Variants in USP32 observed in about 807,000 individuals in gnomAD.
USP32 encodes ubiquitin carboxyl-terminal hydrolase 32.
USP32 carries 59 observed loss-of-function variants against 204.8 expected under a neutral mutation model. That is an observed-to-expected ratio of 0.29 (90% CI 0.23 to 0.36). The LOEUF (loss-of-function observed/expected upper bound fraction) is 0.36, where lower values mean the gene tolerates loss of function less well. Ranked by LOEUF, USP32 falls within the 10% of genes least tolerant of loss-of-function variation. The pLI, the probability that USP32 is intolerant of heterozygous loss-of-function variation, is 1.00. For synonymous variants in USP32, 517 were observed against 678.4 expected (o/e 0.76, Z 3.70); for missense variants, 1,160 against 1,946.4 (o/e 0.60, Z 7.60).
intron 33 of USP32, 33 bp from the exon 34 acceptor site, chr17:60,179,461 C>T (rs2084043908): frequency 6.2e-7 from 1 of 1,610,010 alleles, no homozygotes; most frequent in Non-Finnish European, 8.5e-7. Flanking sequence ...TAACAAAAAG[C>T]CATCACTACT....
intron 1 of USP32, among the ~76,000 whole-genome samples, chr17:60,347,007 C>T (rs780955785): frequency 6.6e-6 from 1 of 151,774 alleles, no homozygotes; most frequent in Non-Finnish European, 1.5e-5. Context: ...TGCAGGCAGA[C>T]GAGAAAAAAA....
At chr17:60,298,065 T>A (rs543852388) in intron 3 of USP32, among the ~76,000 whole-genome samples, 22 of 152,324 alleles carry the variant, frequency 1.4e-4, no homozygotes, top group Admixed American at 1.4e-3. Flanking sequence ...AGGGCCTAAC[T>A]GTAATGCATT....
intron 26 of USP32, among the ~76,000 whole-genome samples, chr17:60,200,730 C>T (rs1598053023): frequency 6.6e-6 from 1 of 152,182 alleles, no homozygotes; most frequent in Non-Finnish European, 1.5e-5. Context: ...CTAAATGTTA[C>T]AGTAATCACT....
intron 10 of USP32, 26 bp from the exon 11 acceptor site, chr17:60,252,468 G>A (rs2086193602): frequency 1.3e-6 from 2 of 1,568,226 alleles, no homozygotes; most frequent in Non-Finnish European, 1.7e-6. Context: ...GTAAATCAAA[G>A]TTTATTAACT....
At chr17:60,383,476 C>T (rs1476591374) in intron 1 of USP32, among the ~76,000 whole-genome samples, 3 of 152,162 alleles carry the variant, frequency 2.0e-5, no homozygotes, top group Non-Finnish European at 4.4e-5. Context: ...TATCCTGACA[C>T]TGGGGATTCA....
chr17:60,333,731 A>G (rs2088446594), intron 2 of USP32, among the ~76,000 whole-genome samples: 1 of 152,084 alleles, frequency 6.6e-6, no homozygotes, highest in Non-Finnish European at 1.5e-5. Context: ...AGGAGAGGGA[A>G]GTAAAAGGAA....
At chr17:60,252,241 T>G (rs2086187578) in intron 11 of USP32, 140 bp downstream of exon 11, 1 of 712,996 alleles carries the variant, frequency 1.4e-6, no homozygotes, top group African/African-American at 1.8e-5. Context: ...AGGAAGGTAC[T>G]TTAACAAAAA....
chr17:60,262,381 A>C lies in USP32; in HGVS notation c.990+3031T>G, dbSNP rs573179809. ...TAATTTTTGTATTTTTAGTAGAGAC[A>C]GGGTTTCGCCATGTTGGCCAGGCTG... On this transcript the variant is annotated intron_variant, in intron 9 of 33. Coordinates refer to ENST00000300896, the MANE Select transcript of USP32 (RefSeq NM_032582.4). Among the ~76,000 whole-genome samples the C allele has an allele frequency of 4.6e-5, 7 of 152,220 alleles. No homozygotes were observed. In the South Asian group the frequency reaches 1.5e-3, roughly 32 times the overall value.
chr17:60,421,255 C>A, intron 1 of USP32: 1 of 667,800 alleles, frequency 1.5e-6, no homozygotes, highest in Non-Finnish European at 1.9e-6. Flanking sequence ...ACAACAACAA[C>A]AACGACAACA....
intron 1 of USP32, among the ~76,000 whole-genome samples, chr17:60,366,587 G>A (rs2089318694): frequency 6.6e-6 from 1 of 151,986 alleles, no homozygotes; most frequent in Non-Finnish European, 1.5e-5. Context: ...AATGGTAATA[G>A]TTCTTGGACT....
chr17:60,397,468 A>G (rs1038383234), intron 1 of USP32, among the ~76,000 whole-genome samples: 4 of 151,942 alleles, frequency 2.6e-5, no homozygotes, highest in African/African-American at 7.3e-5. Flanking sequence ...CTCAAGAAAT[A>G]CTCCTGCCTG....
chr17:60,400,955 C>T (rs535462160), intron 1 of USP32, among the ~76,000 whole-genome samples: 16 of 151,998 alleles, frequency 1.1e-4, no homozygotes, highest in Non-Finnish European at 1.3e-4. Flanking sequence ...CCCAGCAGTT[C>T]GAGACCAGCC....
chr17:60,231,690 T>A (rs1446484466), intron 12 of USP32: 1 of 445,324 alleles, frequency 2.2e-6, no homozygotes, highest in African/African-American at 2.0e-5. Context: ...AGTTACGTGA[T>A]AACTAAATAG....
intron 2 of USP32, among the ~76,000 whole-genome samples, chr17:60,319,228 G>C (rs2088056025): frequency 6.6e-6 from 1 of 152,104 alleles, no homozygotes; most frequent in African/African-American, 2.4e-5. Flanking sequence ...CTTTAAAATG[G>C]TTAAAATGGC....
chr17:60,323,576 G>A (rs554774475), intron 2 of USP32, among the ~76,000 whole-genome samples: 1 of 152,284 alleles, frequency 6.6e-6, no homozygotes, highest in South Asian at 2.1e-4. Context: ...CCACTGAATT[G>A]TATACTTTAA....
rs1462640246 is a variant in USP32, at chr17:60,198,246, T to A, written c.3434+14A>T. 3 of 1,611,728 alleles carry A rather than the reference T, an allele frequency of 1.9e-6. No homozygotes were observed. Among genetic ancestry groups the A allele is most frequent in the Non-Finnish European group, 2.5e-6 (3 of 1,179,314 alleles). ...TTTGGAAACCACAGGTTTAGATGGATCCCCTGAACTCACCAATCCTGGGCA... is the reference window on the plus strand; with the variant it reads ...TTTGGAAACCACAGGTTTAGATGGAACCCCTGAACTCACCAATCCTGGGCA... On this transcript the variant is annotated intron_variant, in intron 27 of 33. Coordinates refer to ENST00000300896, the MANE Select transcript of USP32 (RefSeq NM_032582.4).
intron 1 of USP32, among the ~76,000 whole-genome samples, chr17:60,350,935 G>C (rs770018843): frequency 2.0e-5 from 3 of 151,896 alleles, no homozygotes; most frequent in Non-Finnish European, 4.4e-5. Context: ...TAGGACAAGA[G>C]AGACACGAGA....
intron 1 of USP32, among the ~76,000 whole-genome samples, chr17:60,347,966 C>T (rs1598272642): frequency 6.6e-6 from 1 of 151,556 alleles, no homozygotes; most frequent in East Asian, 2.0e-4. Flanking sequence ...ACTAAAAATA[C>T]AAAAAATTAG....
intron 1 of USP32, among the ~76,000 whole-genome samples, chr17:60,363,714 GTCT>G (rs2089258235): frequency 6.6e-6 from 1 of 151,710 alleles, no homozygotes; most frequent in Non-Finnish European, 1.5e-5. Context: ...GCCCAGGCTA[GTCT>G]CAAACACCTG....
Sources: allele counts gnomAD v4.1 joint callset (sites outside exome capture counted in the v4.1 genomes callset), GRCh38; gene constraint gnomAD v4.1.1; transcripts MANE v1.5; gene names NCBI Gene and HGNC (gene_info 2026-07-23, HGNC 2026-07-21).